Variants in KATNIP observed in about 807,000 individuals in gnomAD.
KATNIP encodes katanin-interacting protein.
KATNIP carries 126 observed loss-of-function variants against 174.0 expected under a neutral mutation model. That is an observed-to-expected ratio of 0.72 (90% CI 0.63 to 0.84). KATNIP has a LOEUF of 0.84. Ranked by LOEUF, KATNIP falls within the 40% of genes least tolerant of loss-of-function variation. The pLI, the probability that KATNIP is intolerant of heterozygous loss-of-function variation, is 0.00. For synonymous variants in KATNIP, 810 were observed against 835.7 expected (o/e 0.97, Z 0.53); for missense variants, 1,958 against 2,109.7 (o/e 0.93, Z 1.41).
intron 6 of KATNIP, among the ~76,000 whole-genome samples, chr16:27,652,124 C>T (rs781031291): frequency 2.0e-4 from 30 of 152,204 alleles, no homozygotes; most frequent in Non-Finnish European, 3.4e-4. Flanking sequence ...GGGTACCATT[C>T]CGGACACTGA....
intron 14 of KATNIP, among the ~76,000 whole-genome samples, chr16:27,733,685 G>A (rs2080787881): frequency 6.6e-6 from 1 of 152,028 alleles, no homozygotes; most frequent in African/African-American, 2.4e-5. Flanking sequence ...CTTCATGGAA[G>A]AAGACAGAAG....
intron 2 of KATNIP, among the ~76,000 whole-genome samples, chr16:27,597,032 T>A (rs2075357958): frequency 6.6e-6 from 1 of 151,442 alleles, no homozygotes; most frequent in African/African-American, 2.4e-5. Flanking sequence ...AAAAAATAAA[T>A]AAATAAAAAT....
At chr16:27,725,310 A>G (rs2080401279) in intron 14 of KATNIP, among the ~76,000 whole-genome samples, 3 of 152,222 alleles carry the variant, frequency 2.0e-5, no homozygotes. Flanking sequence ...AACTTAGGAC[A>G]GTGAGATCCC....
intron 12 of KATNIP, 35 bp downstream of exon 12, chr16:27,704,033 C>A: frequency 6.5e-7 from 1 of 1,533,216 alleles, no homozygotes; most frequent in Non-Finnish European, 9.0e-7. Flanking sequence ...GTTGTACATT[C>A]AGGAAGTTCC....
chr16:27,562,067 A>G (rs1349694561), intron 1 of KATNIP, among the ~76,000 whole-genome samples: 1 of 152,152 alleles, frequency 6.6e-6, no homozygotes, highest in Non-Finnish European at 1.5e-5. Context: ...GTACTTTGGG[A>G]GACTGATGCA....
intron 5 of KATNIP, among the ~76,000 whole-genome samples, chr16:27,635,859 T>C (rs932298826): frequency 3.3e-5 from 5 of 152,078 alleles, no homozygotes; most frequent in Non-Finnish European, 7.4e-5. Context: ...GATTTTATAT[T>C]AAAAATATAT....
intron 13 of KATNIP, among the ~76,000 whole-genome samples, chr16:27,716,783 C>G (rs1346788037): frequency 6.6e-6 from 1 of 152,150 alleles, no homozygotes; most frequent in Non-Finnish European, 1.5e-5. Context: ...AACCACTGAT[C>G]TGTTCCTCTA....
chr16:27,762,091 T>A (rs1031776332), intron 19 of KATNIP, among the ~76,000 whole-genome samples: 1 of 152,014 alleles, frequency 6.6e-6, no homozygotes, highest in Non-Finnish European at 1.5e-5. Flanking sequence ...TTGCGTCAAG[T>A]CAGTAGGTGG....
chr16:27,735,728 C>T (rs1490682035), intron 14 of KATNIP, among the ~76,000 whole-genome samples: 1 of 152,196 alleles, frequency 6.6e-6, no homozygotes, highest in East Asian at 1.9e-4. Flanking sequence ...CTGCGGAAAC[C>T]TCTGTAACTC....
At chr16:27,674,863 C>T (rs2078055487) in intron 6 of KATNIP, among the ~76,000 whole-genome samples, 1 of 152,192 alleles carries the variant, frequency 6.6e-6, no homozygotes, top group East Asian at 1.9e-4. Flanking sequence ...CAATCCATTA[C>T]CGTAACAACT....
At chr16:27,669,122 A>G (rs1597118218) in intron 6 of KATNIP, among the ~76,000 whole-genome samples, 1 of 152,202 alleles carries the variant, frequency 6.6e-6, no homozygotes, top group Non-Finnish European at 1.5e-5. Flanking sequence ...ACAGTTACTG[A>G]TACTATTATT....
At chr16:27,607,230 G>A (rs954079492) in intron 2 of KATNIP, among the ~76,000 whole-genome samples, 2 of 152,160 alleles carry the variant, frequency 1.3e-5, no homozygotes, top group Admixed American at 1.3e-4. Context: ...AAATCAAGGT[G>A]TTATACCCAG....
In KATNIP at chr16:27,607,557, G is replaced by A. The variant is rs9926681; in HGVS notation, c.64-10868G>A. ...GCAGCGGGGAATCAAGTGACTTGGG[G>A]GTGTGGAAGAGCTCTGTGACCCTAG... On this transcript the variant is annotated intron_variant, in intron 2 of 27. Coordinates refer to ENST00000261588, the MANE Select transcript of KATNIP (RefSeq NM_015202.5). Among the ~76,000 whole-genome samples, 1,178 of 151,820 alleles carry A rather than the reference G, an allele frequency of 7.8e-3. 16 individuals carry two copies. Among genetic ancestry groups the A allele is most frequent in the African/African-American group, 0.027 (1,125 of 41,368 alleles).
At chr16:27,656,445 GA>G (rs938795768) in intron 6 of KATNIP, among the ~76,000 whole-genome samples, 2 of 139,028 alleles carry the variant, frequency 1.4e-5, no homozygotes, top group African/African-American at 5.3e-5. Flanking sequence ...AAAAAAGGAA[GA>G]AAAAAAAGTC....
intron 15 of KATNIP, among the ~76,000 whole-genome samples, chr16:27,748,813 A>G (rs551022216): frequency 9.9e-5 from 15 of 152,182 alleles, no homozygotes; most frequent in Non-Finnish European, 1.5e-4. Context: ...AGAAAATAAA[A>G]GTAATGCATG....
At chr16:27,735,868 C>T (rs989751508) in intron 14 of KATNIP, among the ~76,000 whole-genome samples, 7 of 152,152 alleles carry the variant, frequency 4.6e-5, no homozygotes, top group Admixed American at 1.3e-4. Flanking sequence ...CAAGGCAACA[C>T]GGGAAATAAA....
At chr16:27,709,009 T>C in intron 13 of KATNIP, 89 bp downstream of exon 13, 1 of 1,080,616 alleles carries the variant, frequency 9.3e-7, no homozygotes, top group Non-Finnish European at 1.4e-6. Flanking sequence ...AGGGTATGAG[T>C]GGAGGGAGGG....
intron 6 of KATNIP, among the ~76,000 whole-genome samples, chr16:27,662,261 A>C (rs1191667458): frequency 6.6e-6 from 1 of 151,272 alleles, no homozygotes; most frequent in Non-Finnish European, 1.5e-5. Context: ...TGGACCAAAC[A>C]AAATATACCT....
At position 27,616,887 on chromosome 16, in the gene KATNIP, T is replaced by TAA. The variant is rs556687403; in HGVS notation, c.64-1501_64-1500dup. 4.7e-3 allele frequency among the ~76,000 whole-genome samples: 148 copies of TAA among 31,430 alleles called. 11 individuals carry two copies. The highest frequency in any genetic ancestry group is 6.4e-3 in the African/African-American group (48 of 7,546). The allele number at this position is 31,430 out of a possible 152,430, so 20.6% of individuals were successfully genotyped here. On this transcript the variant is annotated intron_variant, in intron 2 of 27. Transcript: ENST00000261588. ...CAACATAGTGAGATGCCATCTCTACTAAAAAAAAAAAAAAAAAAAAAAAAA... is the reference window on the plus strand; with the variant it reads ...CAACATAGTGAGATGCCATCTCTACTAAAAAAAAAAAAAAAAAAAAAAAAAAA...
Sources: gnomAD v4.1 joint callset for allele counts (sites outside exome capture counted in the v4.1 genomes callset) on GRCh38, gnomAD v4.1.1 for gene constraint, MANE v1.5 for transcripts, NCBI Gene and HGNC (gene_info 2026-07-23, HGNC 2026-07-21) for gene names.